Variants in CALCRL observed in about 807,000 individuals in gnomAD.
CALCRL encodes the protein calcitonin receptor like receptor.
A neutral mutation model predicts 60.4 loss-of-function variants in CALCRL; 27 were observed. That is an observed-to-expected ratio of 0.45 (90% CI 0.33 to 0.62). The LOEUF is 0.62. Ranked by LOEUF, CALCRL falls within the 20% of genes least tolerant of loss-of-function variation. The pLI is 0.03. For missense variants in CALCRL, 424 were observed against 540.7 expected (o/e 0.78, Z 2.14); for synonymous variants, 190 against 182.6 (o/e 1.04, Z -0.33).
intron 9 of CALCRL, among the ~76,000 whole-genome samples, chr2:187,362,569 T>TAGG (rs1687100790): frequency 1.5e-5 from 1 of 68,494 alleles, no homozygotes; most frequent in African/African-American, 4.5e-5. Flanking sequence ...AAAAACACTT[T>TAGG]ATATAGACAC....
intron 1 of CALCRL, among the ~76,000 whole-genome samples, chr2:187,440,423 C>G (rs189638091): frequency 5.7e-4 from 87 of 152,242 alleles, no homozygotes; most frequent in African/African-American, 1.9e-3. Flanking sequence ...CATTTCAAGA[C>G]CTACATCATA....
chr2:187,361,739 A>T (rs998779519), intron 9 of CALCRL, among the ~76,000 whole-genome samples: 1 of 151,948 alleles, frequency 6.6e-6, no homozygotes, highest in African/African-American at 2.4e-5. Flanking sequence ...TAGATAAAAA[A>T]ACTTAGTACC....
chr2:187,343,940 A>G lies in CALCRL; in HGVS notation c.*2244T>C, dbSNP rs907712201. On this transcript the variant is annotated 3_prime_UTR_variant, in exon 15 of 15. Transcript: ENST00000392370. ...AAAATAAATCTGATCTAGAATTAATATTATAAAAGCACAACAAAAATACTT... is the reference window on the plus strand; with the variant it reads ...AAAATAAATCTGATCTAGAATTAATGTTATAAAAGCACAACAAAAATACTT... 6.6e-6 allele frequency: 1 copy of G among 151,660 alleles called. No individual in the cohort carries two copies. Among genetic ancestry groups the G allele is most frequent in the Non-Finnish European group, 1.5e-5 (1 of 67,630 alleles). 9.4% of individuals were successfully genotyped at this position (151,660 alleles called of 1,614,324 possible). A position where few individuals can be genotyped will look rare whatever the true frequency, so the allele number is the denominator to read the frequency against.
At chr2:187,382,395 T>C (rs1333027694) in intron 5 of CALCRL, among the ~76,000 whole-genome samples, 3 of 152,190 alleles carry the variant, frequency 2.0e-5, no homozygotes, top group Non-Finnish European at 4.4e-5. Flanking sequence ...TACAAAGATA[T>C]TCCTATTGTT....
intron 1 of CALCRL, among the ~76,000 whole-genome samples, chr2:187,406,173 A>C (rs1220521071): frequency 7.3e-6 from 1 of 136,312 alleles, no homozygotes; most frequent in East Asian, 2.4e-4. Context: ...AAAACAAACC[A>C]AACCAAACAC....
chr2:187,438,922 A>G (rs888955115), intron 1 of CALCRL, among the ~76,000 whole-genome samples: 3 of 152,256 alleles, frequency 2.0e-5, no homozygotes, highest in Non-Finnish European at 4.4e-5. Flanking sequence ...GGAAATATAC[A>G]GTGATTCTAA....
Position 187,363,393 on chromosome 2 carries a change from A to G in CALCRL, c.610T>C (p.Leu204=), listed in dbSNP as rs1019125272. ...TTACTTACAGGATTTGTGGCTACTAAGGCCTGGTTGTTGGCCACTGCAGTG... is the reference window on the plus strand; with the variant it reads ...TTACTTACAGGATTTGTGGCTACTAGGGCCTGGTTGTTGGCCACTGCAGTG... ...HLTAVANNQA[L]VATNPVSCKV... The change falls in exon 9 of 15, where the codon TTA becomes CTA. Residue 204 remains leucine (L), a synonymous_variant. Coordinates refer to ENST00000392370, the MANE Select transcript of CALCRL (RefSeq NM_005795.6). The G allele has an allele frequency of 1.2e-6, 2 of 1,611,174 alleles. No homozygotes were observed. The highest frequency in any genetic ancestry group is 3.4e-5 in the Admixed American group (2 of 59,534).
chr2:187,371,696 A>C (rs1191643850), intron 8 of CALCRL, among the ~76,000 whole-genome samples: 1 of 151,746 alleles, frequency 6.6e-6, no homozygotes, highest in Non-Finnish European at 1.5e-5. Flanking sequence ...AGATCCCGCC[A>C]CTGCACTCCA....
chr2:187,352,558 A>G (rs1686580898), intron 12 of CALCRL, among the ~76,000 whole-genome samples: 1 of 151,914 alleles, frequency 6.6e-6, no homozygotes, highest in Admixed American at 6.6e-5. Context: ...GTAAAATTAA[A>G]TTATGGTATA....
intron 10 of CALCRL, among the ~76,000 whole-genome samples, chr2:187,360,194 C>A (rs1686989394): frequency 6.6e-6 from 1 of 151,944 alleles, no homozygotes; most frequent in Non-Finnish European, 1.5e-5. Flanking sequence ...ATATTTTAAA[C>A]AAATATTTTT....
intron 2 of CALCRL, 35 bp from the exon 3 acceptor site, chr2:187,387,528 T>C (rs1688258639): frequency 2.9e-6 from 1 of 349,268 alleles, no homozygotes; most frequent in Non-Finnish European, 5.1e-6. Context: ...CCATGAATCA[T>C]TGTATTAATT....
At chr2:187,437,680 TAAC>T (rs1338701299) in intron 1 of CALCRL, among the ~76,000 whole-genome samples, 7 of 152,182 alleles carry the variant, frequency 4.6e-5, no homozygotes, top group Admixed American at 3.9e-4. Context: ...TTTGTAATAA[TAAC>T]TTTATCAAAA....
chr2:187,349,138 C>T lies in CALCRL; in HGVS notation c.1171-2739G>A, dbSNP rs367577361. Among the ~76,000 whole-genome samples the T allele has an allele frequency of 2.6e-5, 4 of 151,640 alleles. No homozygotes were observed. In the South Asian group the frequency reaches 6.2e-4, roughly 24 times the overall value. On this transcript the variant is annotated intron_variant, in intron 14 of 14. Transcript: ENST00000392370. Reference sequence around the variant, plus strand: ...TCTGTCCTCAACAAAACTTTTTGCTCATCTTATGGAATATCTACCCTCAGG... The same window carrying T: ...TCTGTCCTCAACAAAACTTTTTGCTTATCTTATGGAATATCTACCCTCAGG...
intron 1 of CALCRL, among the ~76,000 whole-genome samples, chr2:187,429,498 G>C (rs551231365): frequency 6.6e-6 from 1 of 152,158 alleles, no homozygotes; most frequent in African/African-American, 2.4e-5. Context: ...CACGGCAGTG[G>C]TAGATGAGCT....
chr2:187,354,639 C>T (rs755766808), intron 12 of CALCRL, among the ~76,000 whole-genome samples: 11 of 151,938 alleles, frequency 7.2e-5, no homozygotes, highest in Non-Finnish European at 1.5e-4. Context: ...ATGATTTATC[C>T]GGACAGAAAA....
In CALCRL at chr2:187,342,028, C is replaced by T. The variant is rs890943750; in HGVS notation, c.*4156G>A. On this transcript the variant is annotated 3_prime_UTR_variant, in exon 15 of 15. Coordinates refer to ENST00000392370, the MANE Select transcript of CALCRL (RefSeq NM_005795.6). ...CAAAACAAACATATCCATCAACAGA[C>T]AAATGAATAAATAAAATGTGGTATG... Among the ~76,000 whole-genome samples, 3 of 151,508 alleles carry T rather than the reference C, an allele frequency of 2.0e-5. No homozygotes were observed. Among genetic ancestry groups the T allele is most frequent in the African/African-American group, 7.3e-5 (3 of 41,300 alleles).
At chr2:187,348,684 T>TACTATAGTTAAAAATATATAGTTAAA (rs1686394009) in intron 14 of CALCRL, among the ~76,000 whole-genome samples, 1 of 151,716 alleles carries the variant, frequency 6.6e-6, no homozygotes. Flanking sequence ...TGTGAGGTCT[T>TACTATAGTTAAAAATATATAGTTAAA]ACTATAGTTA....
chr2:187,447,246 A>G (rs1691231228), intron 1 of CALCRL, among the ~76,000 whole-genome samples: 1 of 150,298 alleles, frequency 6.7e-6, no homozygotes, highest in South Asian at 2.1e-4. Context: ...TTCTTTATCC[A>G]CAGATATCGT....
intron 8 of CALCRL, among the ~76,000 whole-genome samples, chr2:187,364,696 T>C (rs1213040572): frequency 6.6e-6 from 1 of 152,180 alleles, no homozygotes; most frequent in Non-Finnish European, 1.5e-5. Context: ...CCTCTGAAAT[T>C]ACCTTTCTTC....
Sources: allele counts gnomAD v4.1 joint callset (sites outside exome capture counted in the v4.1 genomes callset), GRCh38; gene constraint gnomAD v4.1.1; transcripts MANE v1.5; gene names NCBI Gene and HGNC (gene_info 2026-07-23, HGNC 2026-07-21).